The following RPS6KA2 variants were observed in gnomAD, a reference collection of about 807,000 sequenced individuals.
RPS6KA2 encodes ribosomal protein S6 kinase A2.
RPS6KA2 carries 42 observed loss-of-function variants against 91.8 expected under a neutral mutation model. The observed-to-expected ratio is 0.46, with a 90% CI of 0.36 to 0.59. The LOEUF (loss-of-function observed/expected upper bound fraction) is 0.59. RPS6KA2 is among the 20% of genes least tolerant of loss of function. The pLI is 0.00. For missense variants in RPS6KA2, 798 were observed against 978.5 expected (o/e 0.82, Z 2.46); for synonymous variants, 414 against 393.6 (o/e 1.05, Z -0.61).
At chr6:166,530,884 C>G (rs908735885) in intron 3 of RPS6KA2, among the ~76,000 whole-genome samples, 4 of 152,238 alleles carry the variant, frequency 2.6e-5, no homozygotes, top group Admixed American at 6.5e-5. Context: ...CGAGTGAGGC[C>G]GTCGGCCTGC....
rs9459702 is a variant in RPS6KA2, at chr6:166,635,633, C to T, written c.124-96849G>A. On this transcript the variant is annotated intron_variant, in intron 2 of 21. Transcript: ENST00000503859. This position sits in a 1 kb window ranked among gnomAD's most constrained non-coding sequence, Gnocchi z 4.8. ...AGGGCAGAAGAGGGGTGCTAGGTCA[C>T]ATGGTAGAGAGCCCCATGGAGTTTA... 0.023 allele frequency among the ~76,000 whole-genome samples: 3,525 copies of T among 152,228 alleles called. 66 individuals carry two copies. The highest frequency in any genetic ancestry group is 0.075 in the East Asian group (388 of 5,174).
intron 7 of RPS6KA2, among the ~76,000 whole-genome samples, chr6:166,499,064 G>A (rs1781912662): frequency 6.6e-6 from 1 of 152,212 alleles, no homozygotes; most frequent in Non-Finnish European, 1.5e-5. Context: ...TGGCTGCCGG[G>A]GAGCCAAGGG....
chr6:166,690,698 C>A (rs1238362161), intron 2 of RPS6KA2, among the ~76,000 whole-genome samples: 2 of 152,284 alleles, frequency 1.3e-5, no homozygotes, highest in African/African-American at 4.8e-5. Context: ...CAGTGAGACT[C>A]CCTGGGTTGC....
chr6:166,647,636 C>CA (rs1299620280), intron 2 of RPS6KA2, among the ~76,000 whole-genome samples: 9 of 152,186 alleles, frequency 5.9e-5, no homozygotes, highest in Non-Finnish European at 1.2e-4. Flanking sequence ...TTAAATTATC[C>CA]AAACGTAGCA....
At chr6:166,417,625 AC>A (rs1168747538) in intron 19 of RPS6KA2, among the ~76,000 whole-genome samples, 1 of 120,622 alleles carries the variant, frequency 8.3e-6, no homozygotes, top group East Asian at 2.0e-4. Flanking sequence ...CTCTATACAC[AC>A]ACACACACAC....
intron 3 of RPS6KA2, 107 bp downstream of exon 3, chr6:166,531,125 A>G (rs1783259302): frequency 7.5e-6 from 6 of 795,006 alleles, no homozygotes; most frequent in Non-Finnish European, 1.3e-5. Flanking sequence ...ATTTAGAGAC[A>G]TTTTCAGAAA....
chr6:166,771,373 C>A (rs1778468579), intron 2 of RPS6KA2, among the ~76,000 whole-genome samples: 1 of 152,186 alleles, frequency 6.6e-6, no homozygotes, highest in South Asian at 2.1e-4. Flanking sequence ...CTCGCATACA[C>A]CTAGTTAAAA....
chr6:166,451,049 C>G, intron 13 of RPS6KA2, 54 bp downstream of exon 13: 10 of 1,607,514 alleles, frequency 6.2e-6, no homozygotes, highest in Non-Finnish European at 8.5e-6. Flanking sequence ...ACCAGAGTCA[C>G]CCATCATCCA....
At chr6:166,456,988 AG>A (rs2128458797) in intron 12 of RPS6KA2, among the ~76,000 whole-genome samples, 1 of 152,354 alleles carries the variant, frequency 6.6e-6, no homozygotes, top group African/African-American at 2.4e-5. Flanking sequence ...CTGGCCAACT[AG>A]GTTGGGGTTT....
chr6:166,678,302 A>G (rs1212198766), intron 2 of RPS6KA2, among the ~76,000 whole-genome samples: 1 of 152,194 alleles, frequency 6.6e-6, no homozygotes, highest in Admixed American at 6.5e-5. Context: ...ATCCTGGCTC[A>G]GAACATCTCT....
rs144935190 is a variant in RPS6KA2, at chr6:166,818,290, G to A, written c.123+39910C>T. ...TTGTGATGTCTCTGTAGTCCCTGAT[G>A]TAGGACTTCCTTCCTCCCTTTTATC... On this transcript the variant is annotated intron_variant, in intron 2 of 21. Transcript: ENST00000503859. Among the ~76,000 whole-genome samples, 199 of 152,284 alleles carry A rather than the reference G, an allele frequency of 1.3e-3. 2 individuals are homozygous for A. The highest frequency in any genetic ancestry group is 4.5e-3 in the African/African-American group (186 of 41,556).
At chr6:166,552,357 GC>G (rs1358425639) in intron 1 of RPS6KA2, among the ~76,000 whole-genome samples, 1 of 152,152 alleles carries the variant, frequency 6.6e-6, no homozygotes, top group Non-Finnish European at 1.5e-5. Flanking sequence ...TCCCCAGGAG[GC>G]CCTGCTCAAA....
intron 11 of RPS6KA2, among the ~76,000 whole-genome samples, chr6:166,467,939 G>A (rs1780604559): frequency 6.6e-6 from 1 of 152,380 alleles, no homozygotes; most frequent in East Asian, 1.9e-4. Flanking sequence ...GAGAAGCTGT[G>A]TGGTCCCACC....
At position 166,475,888 on chromosome 6, in the gene RPS6KA2, T is replaced by C. The variant is rs781233298; in HGVS notation, c.908-5983A>G. 6 of 516,952 alleles carry C rather than the reference T, an allele frequency of 1.2e-5. No homozygotes were observed. The East Asian group carries it at 1.7e-4, about 14-fold the overall frequency. The allele number at this position is 516,952 out of a possible 1,614,324, so 32.0% of individuals were successfully genotyped here. A position where few individuals can be genotyped will look rare whatever the true frequency, so the allele number is the denominator to read the frequency against. ...AGATGCGTCTGTATTTCTGGTAGTC[T>C]GGACATGTATAAACACATTATGCCA... On this transcript the variant is annotated intron_variant, in intron 10 of 20. Coordinates refer to ENST00000265678, the MANE Select transcript of RPS6KA2 (RefSeq NM_021135.6).
chr6:166,461,498 TGGAGAGAGAGAGAGAGAGAGATGG>T (rs1470881847), intron 11 of RPS6KA2, among the ~76,000 whole-genome samples: 1 of 95,382 alleles, frequency 1.0e-5, no homozygotes, highest in Non-Finnish European at 2.0e-5. Flanking sequence ...GGGAGAGAGG[TGGAGAGAGAGAGAGAGAGAGATGG>T]GGAGAGATGG....
intron 2 of RPS6KA2, among the ~76,000 whole-genome samples, chr6:166,761,990 C>T (rs900186931): frequency 6.6e-6 from 1 of 152,178 alleles, no homozygotes; most frequent in African/African-American, 2.4e-5. Context: ...AGAAAGTGGC[C>T]GAGGATAACC....
At chr6:166,538,889 AT>A in intron 1 of RPS6KA2, 105 bp from the exon 2 acceptor site, 1 of 616,262 alleles carries the variant, frequency 1.6e-6, no homozygotes, top group African/African-American at 1.8e-5. Flanking sequence ...TCTGTTACAG[AT>A]TTTAGCGCTG....
rs147709447 is a variant in RPS6KA2 at position 166,514,615 on chromosome 6, G to A, written c.299-4258C>T. Among the ~76,000 whole-genome samples the A allele has an allele frequency of 3.0e-3, 463 of 152,316 alleles. 1 individual carries two copies. The highest frequency in any genetic ancestry group is 0.011 in the African/African-American group (454 of 41,566). On this transcript the variant is annotated intron_variant, in intron 3 of 20. Coordinates refer to ENST00000265678, the MANE Select transcript of RPS6KA2 (RefSeq NM_021135.6). ...GACATGGGGGCCTGGGGAGCCAAGAGACCATGGACAGGACTTTCACACAGC... is the reference window on the plus strand; with the variant it reads ...GACATGGGGGCCTGGGGAGCCAAGAAACCATGGACAGGACTTTCACACAGC...
chr6:166,451,331 C>CAGTG, intron 12 of RPS6KA2, 98 bp from the exon 13 acceptor site: 2 of 1,153,422 alleles, frequency 1.7e-6, no homozygotes, highest in Non-Finnish European at 2.4e-6. Context: ...GTGTGCAAGT[C>CAGTG]CGTGTGTGTG....
Sources: gnomAD v4.1 joint callset for allele counts (sites outside exome capture counted in the v4.1 genomes callset) on GRCh38, gnomAD v4.1.1 for gene constraint, Gnocchi (gnomAD v3.1) non-coding constraint, MANE v1.5 for transcripts, NCBI Gene and HGNC (gene_info 2026-07-23, HGNC 2026-07-21) for gene names.